The following CERS5 variants were observed in gnomAD, a reference collection of about 807,000 sequenced individuals.
CERS5 encodes the protein ceramide synthase 5.
A neutral mutation model predicts 58.9 loss-of-function variants in CERS5; 37 were observed. That is an observed-to-expected ratio of 0.63 (90% CI 0.48 to 0.83). CERS5 has a LOEUF of 0.83. Among genes scored for constraint, CERS5 ranks in the 40% least tolerant of loss-of-function variants. The pLI is 0.00. For missense variants in CERS5, 398 were observed against 489.3 expected (o/e 0.81, Z 1.76); for synonymous variants, 147 against 177.8 (o/e 0.83, Z 1.38).
intron 8 of CERS5, 113 bp downstream of exon 8, chr12:50,135,619 A>T: frequency 1.2e-6 from 1 of 851,174 alleles, no homozygotes; most frequent in Non-Finnish European, 2.0e-6. Context: ...CTTGTGTTCT[A>T]TTGGCGAAAG....
rs1207777320 is a variant in CERS5, at chr12:50,142,072, C to T, written c.473G>A (p.Gly158Glu). The T allele has an allele frequency of 6.2e-7, 1 of 1,605,164 alleles. No individual in the cohort carries two copies. The highest frequency in any genetic ancestry group is 1.7e-5 in the Admixed American group (1 of 59,828). Reference protein sequence around the residue: ...FTFYLCIFCYGIRFLWSSPWF... With the variant: ...FTFYLCIFCYEIRFLWSSPWF... ...ACTCACCGACCAGAGAAATCTAATT[C>T]CATAGCAGAATATACATAAATAAAA... Residue 158 changes from glycine to glutamate, a missense_variant, in exon 4 of 10, where the codon GGA (glycine) becomes GAA (glutamate). Transcript: ENST00000317551.
intron 5 of CERS5, 44 bp from the exon 6 acceptor site, chr12:50,137,864 G>T: frequency 7.7e-7 from 1 of 1,298,770 alleles, no homozygotes; most frequent in Non-Finnish European, 1.1e-6. Flanking sequence ...CTAGTCAAAG[G>T]TGCATTCCAT....
intron 1 of CERS5, among the ~76,000 whole-genome samples, chr12:50,151,671 G>A (rs559646264): frequency 6.6e-6 from 1 of 152,314 alleles, no homozygotes; most frequent in East Asian, 1.9e-4. Context: ...CACCCACTTT[G>A]AGATGGAGTC....
At chr12:50,149,986 G>T (rs1446024700) in intron 1 of CERS5, among the ~76,000 whole-genome samples, 5 of 152,150 alleles carry the variant, frequency 3.3e-5, no homozygotes, top group Non-Finnish European at 7.4e-5. Context: ...CAAGTGATCT[G>T]CCTGCCTCGC....
intron 1 of CERS5, among the ~76,000 whole-genome samples, chr12:50,161,849 A>G (rs1462367510): frequency 6.8e-6 from 1 of 148,100 alleles, no homozygotes; most frequent in Non-Finnish European, 1.5e-5. Flanking sequence ...GAACAGGATG[A>G]ATACAGATTT....
At position 50,134,528 on chromosome 12, in the gene CERS5, G is replaced by A. The variant is rs1368137000; in HGVS notation, c.1029+18C>T. ...TATCTTCCATACCCAAAAGAAAGAA[G>A]CCATCTTTCATCCTCACCTTTCCCC... On this transcript the variant is annotated intron_variant, in intron 9 of 9. Coordinates refer to ENST00000317551, the MANE Select transcript of CERS5 (RefSeq NM_147190.5). 1 of 1,613,986 alleles carries A rather than the reference G, an allele frequency of 6.2e-7. No individual in the cohort carries two copies. The highest frequency in any genetic ancestry group is 2.2e-5 in the East Asian group (1 of 44,900).
At position 50,142,041 on chromosome 12, in the gene CERS5, G is replaced by A; in HGVS notation, c.492+12C>T. ...AGAACCCAACAGAGGACTAGAGAAA[G>A]TTAAGACTCACCGACCAGAGAAATC... On this transcript the variant is annotated intron_variant, in intron 4 of 9. Coordinates refer to ENST00000317551, the MANE Select transcript of CERS5 (RefSeq NM_147190.5). 6.5e-7 allele frequency: 1 copy of A among 1,538,018 alleles called. No individual in the cohort carries two copies. The highest frequency in any genetic ancestry group is 1.1e-5 in the South Asian group (1 of 89,284).
rs573154722 is a variant in CERS5 at position 50,152,231 on chromosome 12, G to A, written c.198-8174C>T. Among the ~76,000 whole-genome samples the A allele has an allele frequency of 3.3e-5, 5 of 152,152 alleles. No individual in the cohort carries two copies. The South Asian group carries it at 1.0e-3, about 32-fold the overall frequency. ...TATTATTTGCCTTTTTCACTGTGTT[G>A]ACATTTGCAGTGATTGTGCAAATCA... On this transcript the variant is annotated intron_variant, in intron 1 of 9. Coordinates refer to ENST00000317551, the MANE Select transcript of CERS5 (RefSeq NM_147190.5).
In CERS5 at chr12:50,136,061, C is replaced by T; in HGVS notation, c.645G>A (p.Leu215=). The change falls in exon 7 of 10, where the codon CTG becomes CTA. Residue 215 remains leucine, a synonymous_variant. Transcript: ENST00000317551. ...TGACCAAGTGATGCACAAACATGATCAGGAAGTCCTAGGAAGGAATGGAAA... is the reference window on the plus strand; with the variant it reads ...TGACCAAGTGATGCACAAACATGATTAGGAAGTCCTAGGAAGGAATGGAAA... ...QFTDIKRKDF[L]IMFVHHLVTI... 6.7e-7 allele frequency: 1 copy of T among 1,495,334 alleles called. No homozygotes were observed. 92.6% of individuals were successfully genotyped at this position (1,495,334 alleles called of 1,614,324 possible).
chr12:50,134,902 AG>A, intron 8 of CERS5, 200 bp from the exon 9 acceptor site: 1 of 562,234 alleles, frequency 1.8e-6, no homozygotes, highest in South Asian at 2.3e-5. Context: ...GGACAGAGAA[AG>A]ATATATAAAT....
intron 1 of CERS5, among the ~76,000 whole-genome samples, chr12:50,163,226 T>C (rs952392152): frequency 2.0e-5 from 3 of 151,272 alleles, no homozygotes; most frequent in African/African-American, 7.3e-5. Flanking sequence ...TGAGATGGAG[T>C]GTCGCTCTGT....
chr12:50,134,669 C>T lies in CERS5; in HGVS notation c.906G>A (p.Glu302=). The T allele has an allele frequency of 6.2e-7, 1 of 1,614,086 alleles. No individual in the cohort carries two copies. Among genetic ancestry groups the T allele is most frequent in the Non-Finnish European group, 8.5e-7 (1 of 1,180,000 alleles). ...ACCATGAAGCATAAGGCCCGATTAT[C>T]TCCCAACTCTCAAAGAGGGTCGTGT... The part of the protein sequence containing the change: ...ILNTTLFESW[E]IIGPYASWWL... The change falls in exon 9 of 10, where the codon GAG becomes GAA. Residue 302 remains glutamate, a synonymous_variant. Coordinates refer to ENST00000317551, the MANE Select transcript of CERS5 (RefSeq NM_147190.5).
intron 1 of CERS5, among the ~76,000 whole-genome samples, chr12:50,153,269 A>ATTTTTTTTTTTTTT (rs202197775): frequency 3.2e-5 from 3 of 93,438 alleles, no homozygotes; most frequent in African/African-American, 4.3e-5. Context: ...AACTAATATG[A>ATTTTTTTTTTTTTT]TTTTTTTTTT....
rs559411212 is a variant in CERS5, at chr12:50,144,170, T to A, written c.198-113A>T. The A allele has an allele frequency of 4.3e-5, 28 of 645,672 alleles. 1 individual carries two copies. The East Asian group carries it at 7.6e-4, about 18-fold the overall frequency. 40.0% of individuals were successfully genotyped at this position (645,672 alleles called of 1,614,324 possible). A position where few individuals can be genotyped will look rare whatever the true frequency, so the allele number is the denominator to read the frequency against. ...ACAATGTGATGTTTCAATGCATGTA[T>A]ACATAGTATAATGATGAAACTGGGG... On this transcript the variant is annotated intron_variant, in intron 1 of 9. Coordinates refer to ENST00000317551, the MANE Select transcript of CERS5 (RefSeq NM_147190.5).
intron 1 of CERS5, among the ~76,000 whole-genome samples, chr12:50,159,322 C>CA (rs1409769687): frequency 6.6e-6 from 1 of 151,304 alleles, no homozygotes; most frequent in Non-Finnish European, 1.5e-5. Flanking sequence ...GACTCTGTCT[C>CA]AAAAAAACAA....
chr12:50,158,729 A>G (rs1938935818), intron 1 of CERS5, among the ~76,000 whole-genome samples: 1 of 152,222 alleles, frequency 6.6e-6, no homozygotes, highest in South Asian at 2.1e-4. Flanking sequence ...CCCTAAACAC[A>G]ACCACAACAA....
chr12:50,163,505 G>C (rs749930850), intron 1 of CERS5, among the ~76,000 whole-genome samples: 3 of 151,498 alleles, frequency 2.0e-5, no homozygotes, highest in Non-Finnish European at 2.9e-5. Flanking sequence ...GCCATGCCCC[G>C]ATATTTTTGA....
intron 9 of CERS5, chr12:50,132,889 G>A: frequency 7.8e-7 from 1 of 1,274,082 alleles, no homozygotes; most frequent in Non-Finnish European, 1.0e-6. Flanking sequence ...GAACAGAAAG[G>A]AGAGCAGGAG....
At chr12:50,133,238 AG>A in intron 9 of CERS5, 1 of 1,087,114 alleles carries the variant, frequency 9.2e-7, no homozygotes, top group Non-Finnish European at 1.1e-6. Flanking sequence ...TACCTGCTCA[AG>A]CAGAGCCCCT....
Sources: gnomAD v4.1 joint callset for allele counts (sites outside exome capture counted in the v4.1 genomes callset) on GRCh38, gnomAD v4.1.1 for gene constraint, MANE v1.5 for transcripts, NCBI Gene and HGNC (gene_info 2026-07-23, HGNC 2026-07-21) for gene names.